The following NME9 variants were observed in gnomAD, a reference collection of about 807,000 sequenced individuals.
NME9 encodes the protein NME/NM23 family member 9.
Under a neutral mutation model 44.4 loss-of-function variants are expected in NME9, and 48 were observed. The observed-to-expected ratio is 1.08, with a 90% CI of 0.86 to 1.37. NME9 has a LOEUF of 1.37. NME9 is among the 40% of genes most tolerant of loss of function. The pLI is 0.00. For missense variants in NME9, 325 were observed against 405.2 expected (o/e 0.80, Z 1.70); for synonymous variants, 139 against 147.1 (o/e 0.94, Z 0.40).
intron 8 of NME9, among the ~76,000 whole-genome samples, chr3:138,279,406 A>G (rs2049647272): frequency 1.3e-5 from 2 of 152,144 alleles, no homozygotes. Flanking sequence ...TAATTTAGTC[A>G]TTATGTATTA....
chr3:138,266,541 T>C (rs540543241), intron 8 of NME9, among the ~76,000 whole-genome samples: 1 of 152,336 alleles, frequency 6.6e-6, no homozygotes, highest in South Asian at 2.1e-4. Context: ...TATTATTCAC[T>C]ATATCACATT....
At chr3:138,293,587 T>TG (rs1209855743) in intron 8 of NME9, among the ~76,000 whole-genome samples, 2 of 151,706 alleles carry the variant, frequency 1.3e-5, no homozygotes, top group African/African-American at 4.8e-5. Context: ...AGCCCAAGGC[T>TG]GCTGGTCAGA....
At chr3:138,281,290 TTC>T (rs1453164277) in intron 8 of NME9, among the ~76,000 whole-genome samples, 2 of 151,810 alleles carry the variant, frequency 1.3e-5, no homozygotes, top group Non-Finnish European at 2.9e-5. Flanking sequence ...AATAATTGAT[TTC>T]TTTTTCTTTT....
Position 138,301,457 on chromosome 3 carries a change from G to T in NME9, c.*183C>A. On this transcript the variant is annotated 3_prime_UTR_variant, in exon 11 of 11. Transcript: ENST00000333911. Reference sequence around the variant, plus strand: ...TAATCTCAGGTGATCCACCTGCCTCGGCCTCCCAAAGTGCTGGGATTACAG... The same window carrying T: ...TAATCTCAGGTGATCCACCTGCCTCTGCCTCCCAAAGTGCTGGGATTACAG... 8.2e-7 allele frequency: 1 copy of T among 1,218,574 alleles called. No individual in the cohort carries two copies. The highest frequency in any genetic ancestry group is 1.1e-6 in the Non-Finnish European group (1 of 923,492). The allele number at this position is 1,218,574 out of a possible 1,614,324, so 75.5% of individuals were successfully genotyped here. A position where few individuals can be genotyped will look rare whatever the true frequency, so the allele number is the denominator to read the frequency against.
chr3:138,297,011 A>G (rs912811891), downstream of NME9: 1 of 152,256 alleles, frequency 6.6e-6, no homozygotes, highest in African/African-American at 2.4e-5. Flanking sequence ...AGAATATTCT[A>G]CAGACACCCC....
At chr3:138,298,028 A>T (rs149536603), downstream of NME9, 12 of 152,358 alleles carry the variant, frequency 7.9e-5, no homozygotes, top group African/African-American at 2.9e-4. Context: ...ATGCTTTACT[A>T]TAATTAACTT....
chr3:138,263,934 C>G, intron 8 of NME9: 1 of 1,089,770 alleles, frequency 9.2e-7, no homozygotes, highest in East Asian at 2.4e-5. Flanking sequence ...AAAATCTGCT[C>G]AGGTGAATTC....
At chr3:138,315,392 C>A in intron 5 of NME9, 135 bp downstream of exon 5, 1 of 635,774 alleles carries the variant, frequency 1.6e-6, no homozygotes, top group Non-Finnish European at 2.8e-6. Context: ...GCATGAGGAA[C>A]AGACCCAGGT....
intron 8 of NME9, chr3:138,289,069 C>T: frequency 6.2e-7 from 1 of 1,612,906 alleles, no homozygotes; most frequent in Non-Finnish European, 8.5e-7. Context: ...TGTTAAACTG[C>T]AGCTTGCAGC....
In NME9 at chr3:138,284,317, T is replaced by G. The variant is rs998959477; in HGVS notation, c.745+19190A>C. On this transcript the variant is annotated intron_variant, in intron 8 of 8. Transcript: ENST00000317876. ...AGATGAGAAATCAGGGCATTGAGAG[T>G]GGAACCTGTGAGAATCCATGTACCT... 7 of 733,696 alleles carry G rather than the reference T, an allele frequency of 9.5e-6. No homozygotes were observed. In the Admixed American group the frequency reaches 1.2e-4, roughly 13 times the overall value. The allele number at this position is 733,696 out of a possible 1,614,324, so 45.4% of individuals were successfully genotyped here. A position where few individuals can be genotyped will look rare whatever the true frequency, so the allele number is the denominator to read the frequency against.
chr3:138,329,200 C>A (rs1316011461), intron 1 of NME9, 103 bp downstream of exon 1: 4 of 1,030,500 alleles, frequency 3.9e-6, no homozygotes, highest in Non-Finnish European at 2.9e-6. Flanking sequence ...TCACGTACTG[C>A]TGGCAAACAG....
intron 8 of NME9, among the ~76,000 whole-genome samples, chr3:138,285,116 T>A (rs1022069454): frequency 1.3e-5 from 2 of 152,218 alleles, no homozygotes; most frequent in African/African-American, 4.8e-5. Flanking sequence ...AGTTAACAAC[T>A]GCAGAGAAAG....
chr3:138,329,611 C>G lies in NME9; in HGVS notation c.-276G>C. On this transcript the variant is annotated 5_prime_UTR_variant, in exon 1 of 11. Coordinates refer to ENST00000333911, the MANE Select transcript of NME9 (RefSeq NM_001349018.2). ...GATCTGCGAAGCCCCCTCCCCACCC[C>G]GGAGCCGGCCAGGGGGCGCGCGCAG... The G allele has an allele frequency of 1.5e-6, 2 of 1,295,448 alleles. No homozygotes were observed. Among genetic ancestry groups the G allele is most frequent in the Non-Finnish European group, 2.0e-6 (2 of 1,022,170 alleles). 80.2% of individuals were successfully genotyped at this position (1,295,448 alleles called of 1,614,324 possible).
chr3:138,322,623 T>C (rs996374090), intron 2 of NME9, among the ~76,000 whole-genome samples: 4 of 152,120 alleles, frequency 2.6e-5, no homozygotes, highest in Admixed American at 1.3e-4. Context: ...TGGTTCACTT[T>C]GGAAGAAAAT....
chr3:138,270,033 A>G (rs760582045), intron 8 of NME9: 8 of 1,606,468 alleles, frequency 5.0e-6, no homozygotes, highest in Non-Finnish European at 6.0e-6. Context: ...TCCCTGTCCA[A>G]TGGCAGCCAA....
At chr3:138,324,987 T>C (rs2053689838) in intron 1 of NME9, 57 bp from the exon 2 acceptor site, 1 of 1,365,162 alleles carries the variant, frequency 7.3e-7, no homozygotes, top group African/African-American at 1.4e-5. Context: ...GGGAAACAAT[T>C]CAATCTATTT....
intron 8 of NME9, among the ~76,000 whole-genome samples, chr3:138,273,906 TC>T (rs1270035509): frequency 1.3e-5 from 2 of 151,916 alleles, no homozygotes; most frequent in Admixed American, 6.6e-5. Flanking sequence ...AACCTCCACT[TC>T]CCGGGTTCAA....
intron 8 of NME9, among the ~76,000 whole-genome samples, chr3:138,268,371 GA>G (rs535615831): frequency 1.3e-5 from 2 of 152,210 alleles, no homozygotes; most frequent in South Asian, 4.1e-4. Context: ...ACAGACACCA[GA>G]GCTTCCATCA....
chr3:138,323,487 C>G (rs2053591675), intron 2 of NME9, among the ~76,000 whole-genome samples: 1 of 152,286 alleles, frequency 6.6e-6, no homozygotes, highest in East Asian at 1.9e-4. Context: ...CCTACAGGGG[C>G]CGCAGCAAGT....
Sources: allele counts gnomAD v4.1 joint callset (sites outside exome capture counted in the v4.1 genomes callset), GRCh38; gene constraint gnomAD v4.1.1; transcripts MANE v1.5; gene names NCBI Gene and HGNC (gene_info 2026-07-23, HGNC 2026-07-21).